KCNIP1: variants seen among roughly 807,000 people sequenced by gnomAD.
The protein encoded by KCNIP1 is potassium voltage-gated channel interacting protein 1.
Under a neutral mutation model 33.0 loss-of-function variants are expected in KCNIP1, and 18 were observed. The ratio of observed to expected loss-of-function variants is 0.55; its 90% CI spans 0.38 to 0.81. The LOEUF is 0.81. Among genes scored for constraint, KCNIP1 ranks in the 30% least tolerant of loss-of-function variants. The probability of loss-of-function intolerance (pLI) is 0.00; values close to 1 mark genes in which losing one functional copy is unlikely to be tolerated. For missense variants in KCNIP1, 238 were observed against 271.6 expected, an observed-to-expected ratio of 0.88 and a Z score of 0.87; for synonymous variants, 93 against 98.3, an observed-to-expected ratio of 0.95 and a Z score of 0.32.
intron 1 of KCNIP1, among the ~76,000 whole-genome samples, chr5:170,540,625 G>A (rs1430192198): frequency 6.6e-6 from 1 of 152,206 alleles, no homozygotes; most frequent in Non-Finnish European, 1.5e-5. Flanking sequence ...CCCATCCTCA[G>A]TAATGCAGGA....
At chr5:170,652,498 A>AAAAGGAAGGAAGGAAGGAAGG (rs33995162) in intron 1 of KCNIP1, among the ~76,000 whole-genome samples, 7 of 103,056 alleles carry the variant, frequency 6.8e-5, no homozygotes, top group African/African-American at 3.0e-4. Flanking sequence ...AAAAAAAAAA[A>AAAAGGAAGGAAGGAAGGAAGG]AAGGAAGGAA....
intron 1 of KCNIP1, among the ~76,000 whole-genome samples, chr5:170,364,652 G>T (rs1033467616): frequency 6.6e-6 from 1 of 152,040 alleles, no homozygotes; most frequent in Admixed American, 6.6e-5. Flanking sequence ...CCCCTCCTGC[G>T]GTTGCCGTCC....
chr5:170,519,806 C>T (rs915786093), intron 1 of KCNIP1, among the ~76,000 whole-genome samples: 4 of 152,088 alleles, frequency 2.6e-5, no homozygotes, highest in Admixed American at 6.5e-5. Context: ...GTGCAGACAG[C>T]GGCTGCCTGC....
intron 1 of KCNIP1, among the ~76,000 whole-genome samples, chr5:170,555,978 G>T (rs1052329910): frequency 6.6e-6 from 1 of 152,154 alleles, no homozygotes; most frequent in Non-Finnish European, 1.5e-5. Flanking sequence ...CCAGCCTCCT[G>T]CCCCACTGTG....
At position 170,438,377 on chromosome 5, in the gene KCNIP1, G is replaced by A. The variant is rs1473312208; in HGVS notation, c.88+84413G>A. On this transcript the variant is annotated intron_variant, in intron 1 of 7. Transcript: ENST00000377360. Reference sequence around the variant, plus strand: ...CGTGTGGGGACAGCAGGGCACACTGGAGAGGTGAGGAGGGTCTCCTGTCCT... The same window carrying A: ...CGTGTGGGGACAGCAGGGCACACTGAAGAGGTGAGGAGGGTCTCCTGTCCT... Among the ~76,000 whole-genome samples the A allele has an allele frequency of 2.0e-5, 3 of 152,332 alleles. No individual in the cohort carries two copies. The East Asian group carries it at 5.8e-4, about 29-fold the overall frequency.
At chr5:170,541,974 T>C (rs1756226752) in intron 1 of KCNIP1, among the ~76,000 whole-genome samples, 1 of 152,228 alleles carries the variant, frequency 6.6e-6, no homozygotes, top group Admixed American at 6.5e-5. Context: ...TCTCCCATCG[T>C]AGTAATATCA....
intron 1 of KCNIP1, chr5:170,374,919 G>T (rs1181067455): frequency 6.6e-6 from 1 of 152,158 alleles, no homozygotes; most frequent in Non-Finnish European, 1.5e-5. Context: ...TAATTTATGG[G>T]ACAGTGGGGG....
At chr5:170,473,341 T>C (rs1235034429) in intron 1 of KCNIP1, among the ~76,000 whole-genome samples, 1 of 152,214 alleles carries the variant, frequency 6.6e-6, no homozygotes, top group Non-Finnish European at 1.5e-5. Flanking sequence ...GCTGTACTTG[T>C]TACTAATATT....
intron 1 of KCNIP1, among the ~76,000 whole-genome samples, chr5:170,611,299 G>A (rs1418909020): frequency 6.6e-6 from 1 of 152,180 alleles, no homozygotes; most frequent in African/African-American, 2.4e-5. Context: ...GAGGGACTTG[G>A]CTTGCCCTGG....
intron 1 of KCNIP1, among the ~76,000 whole-genome samples, chr5:170,665,000 G>A (rs1285681689): frequency 6.6e-6 from 1 of 152,160 alleles, no homozygotes; most frequent in African/African-American, 2.4e-5. Context: ...AGCTCATTTT[G>A]TTCCAAGTCA....
intron 1 of KCNIP1, among the ~76,000 whole-genome samples, chr5:170,456,845 A>ACCT (rs1289682643): frequency 6.6e-6 from 1 of 151,908 alleles, no homozygotes; most frequent in African/African-American, 2.4e-5. Flanking sequence ...CAGACTCTCG[A>ACCT]GTAGCTGGAA....
intron 1 of KCNIP1, among the ~76,000 whole-genome samples, chr5:170,579,291 G>A (rs1189961441): frequency 6.6e-6 from 1 of 152,160 alleles, no homozygotes; most frequent in Non-Finnish European, 1.5e-5. Flanking sequence ...AGCTGGTTTA[G>A]AATATAGCAT....
At chr5:170,474,907 C>G (rs1472867889) in intron 1 of KCNIP1, among the ~76,000 whole-genome samples, 1 of 152,218 alleles carries the variant, frequency 6.6e-6, no homozygotes, top group Non-Finnish European at 1.5e-5. Context: ...GAAGGGGACC[C>G]CACTGGGTTG....
intron 1 of KCNIP1, among the ~76,000 whole-genome samples, chr5:170,614,350 C>G (rs1336418775): frequency 6.6e-6 from 1 of 152,180 alleles, no homozygotes; most frequent in Non-Finnish European, 1.5e-5. Context: ...ATAATTCATG[C>G]AGTTTCTTAT....
chr5:170,424,978 C>T (rs137916743), intron 1 of KCNIP1, among the ~76,000 whole-genome samples: 6 of 152,274 alleles, frequency 3.9e-5, no homozygotes, highest in Non-Finnish European at 7.4e-5. Flanking sequence ...TGGAACCATC[C>T]TCCTCAGACC....
intron 1 of KCNIP1, among the ~76,000 whole-genome samples, chr5:170,506,585 A>C (rs1221866286): frequency 2.0e-5 from 3 of 152,104 alleles, no homozygotes; most frequent in African/African-American, 7.2e-5. Context: ...CAGAGTACAA[A>C]GGTCTTTGCT....
At chr5:170,726,649 CAGT>C (rs1174037808) in intron 5 of KCNIP1, among the ~76,000 whole-genome samples, 1 of 150,380 alleles carries the variant, frequency 6.6e-6, no homozygotes, top group Admixed American at 6.7e-5. Context: ...CCTATAATCC[CAGT>C]ACTTTGGGAG....
intron 5 of KCNIP1, among the ~76,000 whole-genome samples, chr5:170,730,542 AT>A (rs1436367934): frequency 6.6e-6 from 1 of 152,220 alleles, no homozygotes; most frequent in Non-Finnish European, 1.5e-5. Context: ...TTAAAAAAAA[AT>A]ATCAGACAGG....
At chr5:170,467,289 T>C (rs1358333606) in intron 1 of KCNIP1, among the ~76,000 whole-genome samples, 4 of 152,152 alleles carry the variant, frequency 2.6e-5, no homozygotes, top group Non-Finnish European at 5.9e-5. Context: ...ACATTTAAAA[T>C]GCTGATGTGA....
Sources: allele counts gnomAD v4.1 joint callset (sites outside exome capture counted in the v4.1 genomes callset), GRCh38; gene constraint gnomAD v4.1.1; transcripts MANE v1.5; gene names NCBI Gene and HGNC (gene_info 2026-07-23, HGNC 2026-07-21).